The following USH2A variants were observed in gnomAD, a reference collection of about 807,000 sequenced individuals.
USH2A encodes the protein usherin, also known as Usher syndrome 2A (autosomal recessive, mild).
In USH2A, 443 loss-of-function variants were observed where a neutral mutation model predicts 538.9. The observed-to-expected ratio is 0.82, with a 90% CI of 0.76 to 0.89. The LOEUF is 0.89. Among genes scored for constraint, USH2A ranks in the 40% least tolerant of loss-of-function variants. The pLI is 0.00. For synonymous variants in USH2A, 2,413 were observed against 2,273.5 expected, an observed-to-expected ratio of 1.06 and a Z score of -1.75; for missense variants, 6,633 against 6,324.8, an observed-to-expected ratio of 1.05 and a Z score of -1.65.
At chr1:215,996,908 G>A (rs778326732) in intron 34 of USH2A, among the ~76,000 whole-genome samples, 16 of 152,164 alleles carry the variant, frequency 1.1e-4, no homozygotes, top group African/African-American at 1.7e-4. Context: ...TCAAATCCCC[G>A]TGTAGCTTCC....
In USH2A at chr1:216,247,175, T is replaced by C. The variant is rs766618880; in HGVS notation, c.2219A>G (p.Asn740Ser). The C allele has an allele frequency of 6.2e-7, 1 of 1,614,074 alleles. No individual in the cohort carries two copies. Among genetic ancestry groups the C allele is most frequent in the South Asian group, 1.1e-5 (1 of 91,086 alleles). ...CTGGCAGGGCTCACATCCAACATCA[T>C]TAAAGCTTCGGAGAAATTTAAATCC... The part of the protein sequence containing the change: ...NFGFKFLRSF[N>S]DVGCEPCQCN... Residue 740 changes from asparagine (N) to serine (S), a missense_variant, in exon 13 of 72, where the codon AAT (asparagine) becomes AGT (serine). Asn to Ser is a conservative substitution (Grantham distance 46, BLOSUM62 1). Coordinates refer to ENST00000307340, the MANE Select transcript of USH2A (RefSeq NM_206933.4).
chr1:216,194,166 A>C (rs2102455702), intron 19 of USH2A: 1 of 152,280 alleles, frequency 6.6e-6, no homozygotes, highest in African/African-American at 2.4e-5. Flanking sequence ...GGAGACTCTA[A>C]AATGATATTT....
intron 19 of USH2A, among the ~76,000 whole-genome samples, chr1:216,192,633 A>G (rs1252543031): frequency 6.6e-6 from 1 of 151,910 alleles, no homozygotes; most frequent in African/African-American, 2.4e-5. Context: ...ACCCAGGAAG[A>G]GAAGATTGCA....
At chr1:216,250,808 G>T in intron 12 of USH2A, 95 bp downstream of exon 12, 1 of 1,360,270 alleles carries the variant, frequency 7.4e-7, no homozygotes, top group South Asian at 1.2e-5. Flanking sequence ...CTTGAGCAAA[G>T]AAATTTGCTT....
chr1:216,352,015 A>C (rs138554508), intron 4 of USH2A, among the ~76,000 whole-genome samples: 1 of 152,132 alleles, frequency 6.6e-6, no homozygotes, highest in Non-Finnish European at 1.5e-5. Flanking sequence ...ATTTTGAAAA[A>C]AAGTAAGTTT....
At chr1:216,370,359 CAAAAAAAGA>C (rs1475939897) in intron 3 of USH2A, among the ~76,000 whole-genome samples, 7 of 143,234 alleles carry the variant, frequency 4.9e-5, no homozygotes, top group East Asian at 2.1e-4. Context: ...AGACTCTATC[CAAAAAAAGA>C]AAAAAAAGAA....
intron 4 of USH2A, 110 bp downstream of exon 4, chr1:216,364,843 G>T (rs1264704673): frequency 1.4e-6 from 2 of 1,387,286 alleles, no homozygotes; most frequent in Admixed American, 1.9e-5. Flanking sequence ...TTGTTCAGTA[G>T]CCCTAGAAGA....
chr1:215,786,976 C>T, intron 51 of USH2A, 102 bp from the exon 52 acceptor site: 1 of 1,116,104 alleles, frequency 9.0e-7, no homozygotes, highest in Non-Finnish European at 1.3e-6. Context: ...ATTTTTCCTC[C>T]ACTTACTTGA....
chr1:215,806,785 C>T (rs2102786728), intron 49 of USH2A, among the ~76,000 whole-genome samples: 1 of 152,186 alleles, frequency 6.6e-6, no homozygotes, highest in African/African-American at 2.4e-5. Flanking sequence ...CCCTGTAGTT[C>T]CCAACCCTAA....
intron 44 of USH2A, among the ~76,000 whole-genome samples, chr1:215,866,733 A>G (rs1244513619): frequency 6.6e-6 from 1 of 152,192 alleles, no homozygotes. Flanking sequence ...GCCCAAGAAC[A>G]ATGTCAAAGT....
At chr1:215,725,254 C>T (rs146900253) in intron 61 of USH2A, among the ~76,000 whole-genome samples, 1,982 of 152,278 alleles carry the variant, frequency 0.013, 45 homozygotes, top group African/African-American at 0.043. Context: ...GTGATCTGCC[C>T]GCCTCAGCTT....
chr1:215,771,446 G>A (rs1408166128), intron 55 of USH2A, among the ~76,000 whole-genome samples: 7 of 150,430 alleles, frequency 4.7e-5, no homozygotes, highest in African/African-American at 1.7e-4. Flanking sequence ...CGGGCGTAGT[G>A]GCGGGCGCCT....
intron 38 of USH2A, among the ~76,000 whole-genome samples, chr1:215,911,431 C>T (rs962267465): frequency 2.0e-5 from 3 of 151,522 alleles, no homozygotes; most frequent in African/African-American, 7.3e-5. Flanking sequence ...TTTTTAGATC[C>T]CACAGATAAA....
chr1:215,821,545 C>T (rs1484381695), intron 47 of USH2A, among the ~76,000 whole-genome samples: 3 of 151,764 alleles, frequency 2.0e-5, no homozygotes, highest in African/African-American at 7.3e-5. Flanking sequence ...CAAGTATTTT[C>T]TCCCATTCTA....
At chr1:216,370,667 G>T (rs1571750174) in intron 3 of USH2A, among the ~76,000 whole-genome samples, 1 of 15,158 alleles carries the variant, frequency 6.6e-5, no homozygotes, top group East Asian at 9.6e-3. Context: ...AACAGAGCCA[G>T]ACTCTGTCTC....
At chr1:215,898,096 G>A (rs1196235416) in intron 40 of USH2A, among the ~76,000 whole-genome samples, 1 of 152,130 alleles carries the variant, frequency 6.6e-6, no homozygotes, top group African/African-American at 2.4e-5. Flanking sequence ...AGGTACACAT[G>A]GCCTCCTTCC....
intron 11 of USH2A, among the ~76,000 whole-genome samples, chr1:216,279,274 A>G (rs1571652997): frequency 6.6e-6 from 1 of 152,038 alleles, no homozygotes; most frequent in Non-Finnish European, 1.5e-5. Context: ...TAGGTGATAT[A>G]CTCTAATTTT....
intron 38 of USH2A, among the ~76,000 whole-genome samples, chr1:215,909,930 A>C (rs960688713): frequency 6.6e-6 from 1 of 152,078 alleles, no homozygotes; most frequent in East Asian, 1.9e-4. Flanking sequence ...GGAAGAAAAA[A>C]AATTTGTTGG....
At chr1:216,403,346 T>G (rs1239838504) in intron 3 of USH2A, among the ~76,000 whole-genome samples, 1 of 152,084 alleles carries the variant, frequency 6.6e-6, no homozygotes, top group Admixed American at 6.6e-5. Flanking sequence ...GTTGAACTCT[T>G]TTTCTTCCTA....
Sources: gnomAD v4.1 joint callset for allele counts (sites outside exome capture counted in the v4.1 genomes callset) on GRCh38, gnomAD v4.1.1 for gene constraint, MANE v1.5 for transcripts, NCBI Gene and HGNC (gene_info 2026-07-23, HGNC 2026-07-21) for gene names.